The following BCAT1 variants were observed in gnomAD, a reference collection of about 807,000 sequenced individuals.
The protein encoded by BCAT1 is branched chain amino acid transaminase 1.
Under a neutral mutation model 52.4 loss-of-function variants are expected in BCAT1, and 48 were observed. The observed-to-expected ratio is 0.92, with a 90% confidence interval of 0.73 to 1.16. The LOEUF is 1.16. Among genes scored for constraint, BCAT1 ranks in the 50% most tolerant of loss-of-function variants. The probability of loss-of-function intolerance (pLI) is 0.00; values close to 1 mark genes in which losing one functional copy is unlikely to be tolerated. For synonymous variants in BCAT1, 167 were observed against 161.3 expected, an observed-to-expected ratio of 1.04 and a Z score of -0.27; for missense variants, 451 against 457.1, an observed-to-expected ratio of 0.99 and a Z score of 0.12.
At chr12:24,831,171 C>T (rs973881816) in intron 9 of BCAT1, among the ~76,000 whole-genome samples, 3 of 152,130 alleles carry the variant, frequency 2.0e-5, no homozygotes, top group Admixed American at 2.0e-4. Flanking sequence ...TATGATGATC[C>T]ACTTCCATGT....
chr12:24,881,483 C>G, intron 3 of BCAT1, 72 bp from the exon 4 acceptor site: 1 of 944,446 alleles, frequency 1.1e-6, no homozygotes, highest in South Asian at 1.4e-5. Context: ...GACTGACTTT[C>G]CTATGGGCGT....
rs1172158308 is a variant in BCAT1, at chr12:24,811,542, A to T, written c.*6466T>A. 1 of 152,180 alleles carries T rather than the reference A, an allele frequency of 6.6e-6. No individual in the cohort carries two copies. Among genetic ancestry groups the T allele is most frequent in the Non-Finnish European group, 1.5e-5 (1 of 68,018 alleles). The allele number at this position is 152,180 out of a possible 1,614,324, so 9.4% of individuals were successfully genotyped here. A position where few individuals can be genotyped will look rare whatever the true frequency, so the allele number is the denominator to read the frequency against. On this transcript the variant is annotated 3_prime_UTR_variant, in exon 11 of 11. Transcript: ENST00000261192. ...CTCTGGTGTAACAAAGCCATTTTAGATGTTTAATTGTGCTTCTACAAAACC... is the reference window on the plus strand; with the variant it reads ...CTCTGGTGTAACAAAGCCATTTTAGTTGTTTAATTGTGCTTCTACAAAACC...
At chr12:24,881,929 C>T (rs1388811138) in intron 3 of BCAT1, among the ~76,000 whole-genome samples, 1 of 152,140 alleles carries the variant, frequency 6.6e-6, no homozygotes, top group African/African-American at 2.4e-5. Flanking sequence ...CTATGTTAAG[C>T]CACGTCACCT....
At chr12:24,834,845 A>T in intron 8 of BCAT1, 1 of 1,063,606 alleles carries the variant, frequency 9.4e-7, no homozygotes, top group South Asian at 2.2e-5. Flanking sequence ...TTTGTAAATA[A>T]GCAGAATTGT....
intron 2 of BCAT1, among the ~76,000 whole-genome samples, chr12:24,894,912 T>C (rs757986505): frequency 3.3e-5 from 5 of 152,186 alleles, no homozygotes; most frequent in Non-Finnish European, 7.3e-5. Context: ...TATTTAGCAA[T>C]GGTTACACTC....
chr12:24,928,730 T>C (rs1189299002), intron 1 of BCAT1, among the ~76,000 whole-genome samples: 1 of 145,692 alleles, frequency 6.9e-6, no homozygotes, highest in Non-Finnish European at 1.6e-5. Flanking sequence ...TTGTTGTTGT[T>C]GTTGTTGTTG....
intron 7 of BCAT1, among the ~76,000 whole-genome samples, chr12:24,839,367 G>A (rs1420930025): frequency 6.6e-6 from 1 of 152,168 alleles, no homozygotes; most frequent in African/African-American, 2.4e-5. Context: ...CTCATGATGT[G>A]GCCTGAGCAA....
chr12:24,874,740 G>T (rs967581630), intron 5 of BCAT1, among the ~76,000 whole-genome samples: 1 of 152,158 alleles, frequency 6.6e-6, no homozygotes, highest in Non-Finnish European at 1.5e-5. Flanking sequence ...TAGAAATTTC[G>T]ATTTGGGTCT....
At chr12:24,852,531 A>T (rs1416791542) in intron 5 of BCAT1, among the ~76,000 whole-genome samples, 1 of 152,076 alleles carries the variant, frequency 6.6e-6, no homozygotes, top group Non-Finnish European at 1.5e-5. Flanking sequence ...TGTTATGAAA[A>T]TTTTTTCCTG....
Position 24,859,618 on chromosome 12 carries a change from CAAAAAAAAA to C in BCAT1, c.511-9678_511-9670del, listed in dbSNP as rs71063366. ...CTGGGCGACAGAGCCAGACTCGTCT[CAAAAAAAAA>C]AAAAAAAAAAAAGGATTTTGCTTTT... On this transcript the variant is annotated intron_variant, in intron 5 of 10. Transcript: ENST00000261192. Among the ~76,000 whole-genome samples the C allele has an allele frequency of 2.1e-4, 20 of 93,992 alleles. No homozygotes were observed. The East Asian group carries it at 6.1e-3, about 29-fold the overall frequency. 61.7% of individuals were successfully genotyped at this position (93,992 alleles called of 152,430 possible). A position where few individuals can be genotyped will look rare whatever the true frequency, so the allele number is the denominator to read the frequency against.
At chr12:24,837,436 ATTT>A (rs35427447) in intron 7 of BCAT1, among the ~76,000 whole-genome samples, 330 of 121,876 alleles carry the variant, frequency 2.7e-3, no homozygotes, top group African/African-American at 6.3e-3. Flanking sequence ...GGAAAGTCTA[ATTT>A]TTTTTTTTTT....
intron 1 of BCAT1, among the ~76,000 whole-genome samples, chr12:24,943,840 C>T (rs190060921): frequency 3.1e-4 from 47 of 152,000 alleles, no homozygotes; most frequent in Non-Finnish European, 5.1e-4. Context: ...AAAAATTAGC[C>T]GGGCGTGGTG....
At chr12:24,918,741 GT>G (rs1943456633) in intron 1 of BCAT1, among the ~76,000 whole-genome samples, 1 of 152,194 alleles carries the variant, frequency 6.6e-6, no homozygotes, top group African/African-American at 2.4e-5. Context: ...GCAAGTCACT[GT>G]GACCTGATCG....
At chr12:24,886,044 A>C (rs1942654212) in intron 3 of BCAT1, among the ~76,000 whole-genome samples, 1 of 152,234 alleles carries the variant, frequency 6.6e-6, no homozygotes, top group South Asian at 2.1e-4. Flanking sequence ...AAAATTATAA[A>C]GACAGCAATA....
intron 8 of BCAT1, among the ~76,000 whole-genome samples, chr12:24,835,940 A>G (rs1940903243): frequency 6.6e-6 from 1 of 152,206 alleles, no homozygotes; most frequent in Non-Finnish European, 1.5e-5. Flanking sequence ...TTGAAAGTCT[A>G]CTGAAAACAA....
intron 10 of BCAT1, among the ~76,000 whole-genome samples, chr12:24,824,140 T>C (rs1940272250): frequency 6.6e-6 from 1 of 152,210 alleles, no homozygotes; most frequent in Non-Finnish European, 1.5e-5. Context: ...TAGATCTTTA[T>C]ACCAATTCAA....
chr12:24,881,438 G>A, intron 3 of BCAT1, 27 bp from the exon 4 acceptor site: 1 of 1,490,470 alleles, frequency 6.7e-7, no homozygotes, highest in Non-Finnish European at 9.3e-7. Flanking sequence ...AAAAATCTTA[G>A]AGGGTAACCA....
intron 1 of BCAT1, among the ~76,000 whole-genome samples, chr12:24,929,746 C>T (rs1018477090): frequency 6.6e-6 from 1 of 152,142 alleles, no homozygotes; most frequent in Non-Finnish European, 1.5e-5. Flanking sequence ...TCACCACCTC[C>T]CCTCAATAAG....
chr12:24,887,061 T>TAAAA (rs1171691492), intron 3 of BCAT1, among the ~76,000 whole-genome samples: 5 of 7,588 alleles, frequency 6.6e-4, no homozygotes, highest in African/African-American at 1.3e-3. Context: ...AGATGCTAGC[T>TAAAA]AAAAAAAAAA....
Sources: allele counts gnomAD v4.1 joint callset (sites outside exome capture counted in the v4.1 genomes callset), GRCh38; gene constraint gnomAD v4.1.1; transcripts MANE v1.5; gene names NCBI Gene and HGNC (gene_info 2026-07-23, HGNC 2026-07-21).